CCDC12: variants seen among roughly 807,000 people sequenced by gnomAD.
CCDC12 encodes the protein coiled-coil domain containing 12.
A neutral mutation model predicts 25.7 loss-of-function variants in CCDC12; 28 were observed. The observed-to-expected ratio is 1.09, with a 90% CI of 0.81 to 1.50. The LOEUF is 1.50. CCDC12 is among the 40% of genes most tolerant of loss of function. The pLI is 0.00. For synonymous variants in CCDC12, 75 were observed against 87.7 expected (o/e 0.86, Z 0.81); for missense variants, 198 against 210.0 (o/e 0.94, Z 0.35).
intron 2 of CCDC12, 27 bp downstream of exon 2, chr3:46,940,971 G>A: frequency 6.2e-7 from 1 of 1,611,054 alleles, no homozygotes; most frequent in Non-Finnish European, 8.5e-7. Flanking sequence ...GGAGAGAGCA[G>A]ACCCTGGAGC....
intron 2 of CCDC12, among the ~76,000 whole-genome samples, chr3:46,935,287 G>C (rs1363373132): frequency 1.3e-5 from 2 of 152,142 alleles, no homozygotes; most frequent in African/African-American, 4.8e-5. Flanking sequence ...TGGGAGGTCG[G>C]GACTTGCTTG....
intron 3 of CCDC12, chr3:46,924,008 G>A (rs2032825924): frequency 4.5e-6 from 1 of 221,814 alleles, no homozygotes. Context: ...CATAATCCCA[G>A]GGCTCCTGGG....
chr3:46,925,249 C>T (rs762876178), intron 3 of CCDC12: 1 of 699,846 alleles, frequency 1.4e-6, no homozygotes, highest in Non-Finnish European at 2.6e-6. Context: ...TGAGAAGGCA[C>T]AAGAGGACTC....
chr3:46,947,414 C>T (rs1270512629), intron 1 of CCDC12, among the ~76,000 whole-genome samples: 1 of 152,206 alleles, frequency 6.6e-6, no homozygotes, highest in Non-Finnish European at 1.5e-5. Flanking sequence ...GTGGTGGGAG[C>T]TGTGTTCCAA....
chr3:46,968,522 C>G (rs1036388649), intron 1 of CCDC12, among the ~76,000 whole-genome samples: 1 of 152,212 alleles, frequency 6.6e-6, no homozygotes, highest in Non-Finnish European at 1.5e-5. Flanking sequence ...CTCTGTTCTC[C>G]TAGCTACTGA....
chr3:46,924,332 C>T (rs1489466228), intron 3 of CCDC12, among the ~76,000 whole-genome samples: 3 of 152,222 alleles, frequency 2.0e-5, no homozygotes, highest in African/African-American at 7.2e-5. Context: ...TTCCCCTGAC[C>T]TGGGCAGTTC....
intron 1 of CCDC12, among the ~76,000 whole-genome samples, chr3:46,965,678 A>G (rs1024783382): frequency 6.6e-6 from 1 of 152,166 alleles, no homozygotes; most frequent in Admixed American, 6.5e-5. Context: ...GAGCACCCCC[A>G]AACTTGGCCA....
chr3:46,968,173 G>C (rs1043391791), intron 1 of CCDC12, among the ~76,000 whole-genome samples: 2 of 152,186 alleles, frequency 1.3e-5, no homozygotes, highest in Admixed American at 1.3e-4. Context: ...GAGTCTGAGA[G>C]CTTGGGCAGA....
chr3:46,941,796 G>A (rs1366193383), intron 1 of CCDC12, among the ~76,000 whole-genome samples: 2 of 152,176 alleles, frequency 1.3e-5, no homozygotes, highest in African/African-American at 4.8e-5. Context: ...CCAGCAACCA[G>A]GGCAGGATGA....
intron 1 of CCDC12, among the ~76,000 whole-genome samples, chr3:46,957,786 A>G (rs2034338492): frequency 6.6e-6 from 1 of 151,950 alleles, no homozygotes; most frequent in Non-Finnish European, 1.5e-5. Flanking sequence ...TACTAAAAAT[A>G]CAAAAAATTA....
intron 1 of CCDC12, among the ~76,000 whole-genome samples, chr3:46,942,161 A>C (rs4683291): frequency 0.96 from 145,470 of 152,318 alleles, 69,854 homozygotes; most frequent in East Asian, 1. Flanking sequence ...CCTGGACTTT[A>C]TCCTTTATTA....
chr3:46,970,398 A>G (rs1373154158), intron 1 of CCDC12, among the ~76,000 whole-genome samples: 1 of 152,128 alleles, frequency 6.6e-6, no homozygotes, highest in African/African-American at 2.4e-5. Context: ...ACACCCCTGG[A>G]TAACAGGCAT....
At chr3:46,970,834 A>G (rs2034782437) in intron 1 of CCDC12, among the ~76,000 whole-genome samples, 1 of 152,146 alleles carries the variant, frequency 6.6e-6, no homozygotes, top group Non-Finnish European at 1.5e-5. Flanking sequence ...GAGATGCCAG[A>G]GTTTCATCCA....
intron 3 of CCDC12, chr3:46,924,981 G>A (rs550472291): frequency 3.1e-6 from 1 of 317,812 alleles, no homozygotes; most frequent in East Asian, 8.4e-5. Flanking sequence ...GCCATGGCAA[G>A]AGTCTAGGCA....
rs574289959 is a variant in CCDC12, at chr3:46,976,536, C to A, written c.96+101G>T. The A allele has an allele frequency of 7.5e-6, 11 of 1,468,956 alleles. No homozygotes were observed. In the African/African-American group the frequency reaches 1.4e-4, roughly 19 times the overall value. The allele number at this position is 1,468,956 out of a possible 1,614,324, so 91.0% of individuals were successfully genotyped here. A position where few individuals can be genotyped will look rare whatever the true frequency, so the allele number is the denominator to read the frequency against. On this transcript the variant is annotated intron_variant, in intron 1 of 6. Coordinates refer to ENST00000683445, the MANE Select transcript of CCDC12 (RefSeq NM_001277074.2). ...GTTAGCGCCCGCGCATGCGCGCCCT[C>A]GGCAGCTGTCTTTCCTTATTAGCCC... is the stretch of plus-strand genomic sequence containing the variant.
chr3:46,932,950 G>A (rs949881793), intron 2 of CCDC12, among the ~76,000 whole-genome samples: 1 of 152,176 alleles, frequency 6.6e-6, no homozygotes, highest in Admixed American at 6.5e-5. Context: ...AGGAAGAGCC[G>A]GAGGCAGAAT....
chr3:46,944,081 CT>C (rs2033816545), intron 1 of CCDC12, among the ~76,000 whole-genome samples: 1 of 152,212 alleles, frequency 6.6e-6, no homozygotes, highest in African/African-American at 2.4e-5. Context: ...AAGCTCACCC[CT>C]ACCTGAGAGA....
intron 1 of CCDC12, among the ~76,000 whole-genome samples, chr3:46,970,271 G>T (rs1388661253): frequency 1.5e-5 from 1 of 64,944 alleles, no homozygotes; most frequent in Non-Finnish European, 3.2e-5. Context: ...AACATTATGA[G>T]ATATTTTTTG....
intron 2 of CCDC12, among the ~76,000 whole-genome samples, chr3:46,939,339 C>G (rs1201152063): frequency 1.3e-5 from 2 of 152,090 alleles, no homozygotes; most frequent in Non-Finnish European, 2.9e-5. Flanking sequence ...AACCAGCGAC[C>G]CTTCTCTCTC....
Sources: gnomAD v4.1 joint callset for allele counts (sites outside exome capture counted in the v4.1 genomes callset) on GRCh38, gnomAD v4.1.1 for gene constraint, MANE v1.5 for transcripts, NCBI Gene and HGNC (gene_info 2026-07-23, HGNC 2026-07-21) for gene names.